PLXDC2: variants seen among roughly 807,000 people sequenced by gnomAD.
The protein encoded by PLXDC2 is plexin domain containing 2, also known as plexin domain-containing protein 2.
In PLXDC2, 40 loss-of-function variants were observed where a neutral mutation model predicts 68.9. The ratio of observed to expected loss-of-function variants is 0.58; its 90% CI spans 0.45 to 0.76. PLXDC2 has a LOEUF of 0.76. Ranked by LOEUF, PLXDC2 falls within the 30% of genes least tolerant of loss-of-function variation. The pLI is 0.00. For missense variants in PLXDC2, 644 were observed against 661.9 expected (o/e 0.97, Z 0.30); for synonymous variants, 243 against 234.2 (o/e 1.04, Z -0.34).
chr10:19,899,209 G>A (rs1444497811), intron 1 of PLXDC2, among the ~76,000 whole-genome samples: 1 of 152,114 alleles, frequency 6.6e-6, no homozygotes, highest in Admixed American at 6.5e-5. Flanking sequence ...CAGACCAGTT[G>A]TTTATCTGAC....
In PLXDC2 at chr10:19,947,836, G is replaced by C. The variant is rs151148057; in HGVS notation, c.113-53939G>C. ...AATAACTCCTTGAAGAGATGGATAGGTTTCGTTCGTGTTTGAGTCCCTCCT... is the reference window on the plus strand; with the variant it reads ...AATAACTCCTTGAAGAGATGGATAGCTTTCGTTCGTGTTTGAGTCCCTCCT... On this transcript the variant is annotated intron_variant, in intron 1 of 13. Coordinates refer to ENST00000377252, the MANE Select transcript of PLXDC2 (RefSeq NM_032812.9). Among the ~76,000 whole-genome samples, 57 of 151,790 alleles carry C rather than the reference G, an allele frequency of 3.8e-4. No individual in the cohort carries two copies. In the East Asian group the frequency reaches 0.01, roughly 27 times the overall value.
chr10:20,113,993 A>G (rs1026814078), intron 4 of PLXDC2, among the ~76,000 whole-genome samples: 4 of 152,130 alleles, frequency 2.6e-5, no homozygotes, highest in African/African-American at 9.7e-5. Context: ...GCATGATGGC[A>G]GGTGCCTGTA....
chr10:20,051,894 G>A lies in PLXDC2; in HGVS notation c.471+4879G>A, dbSNP rs1835908664. 2.0e-5 allele frequency among the ~76,000 whole-genome samples: 3 copies of A among 152,036 alleles called. No homozygotes were observed. In the South Asian group the frequency reaches 6.2e-4, roughly 32 times the overall value. On this transcript the variant is annotated intron_variant, in intron 3 of 13. Transcript: ENST00000377252. ...CTTATGGTCTCTGTCACAACTACTTGACTCTACTGTTATAGCTCAATAGCC... is the reference window on the plus strand; with the variant it reads ...CTTATGGTCTCTGTCACAACTACTTAACTCTACTGTTATAGCTCAATAGCC...
rs1413134672 is a variant in PLXDC2, at chr10:20,284,538, A to C, written c.*4719A>C. The stretch of plus-strand genomic sequence containing the variant: ...CATGAGTTAGAGGCTGCTGTGAGCT[A>C]TGATCATGCCACTGCACTCCAGCCT... On this transcript the variant is annotated 3_prime_UTR_variant, in exon 14 of 14. Coordinates refer to ENST00000377252, the MANE Select transcript of PLXDC2 (RefSeq NM_032812.9). The C allele has an allele frequency of 1.3e-5, 2 of 151,124 alleles. No individual in the cohort carries two copies. Among genetic ancestry groups the C allele is most frequent in the Non-Finnish European group, 2.9e-5 (2 of 67,900 alleles). 9.4% of individuals were successfully genotyped at this position (151,124 alleles called of 1,614,324 possible).
At chr10:20,122,920 A>G (rs1833719035) in intron 4 of PLXDC2, among the ~76,000 whole-genome samples, 1 of 152,260 alleles carries the variant, frequency 6.6e-6, no homozygotes, top group African/African-American at 2.4e-5. Context: ...GCTGTAAAGC[A>G]TCTCAGGGTT....
chr10:19,992,820 G>A (rs976302477), intron 1 of PLXDC2, among the ~76,000 whole-genome samples: 3 of 151,966 alleles, frequency 2.0e-5, no homozygotes, highest in African/African-American at 7.3e-5. Context: ...GCTTTTCCTT[G>A]CTGAATTGTT....
At chr10:20,098,381 G>GTGTGTGTGTGTA (rs953255294) in intron 4 of PLXDC2, among the ~76,000 whole-genome samples, 1 of 151,542 alleles carries the variant, frequency 6.6e-6, no homozygotes, top group African/African-American at 2.4e-5. Flanking sequence ...GTGTGTGTGT[G>GTGTGTGTGTGTA]TGTATGTATG....
At chr10:20,123,800 T>C (rs1011134898) in intron 4 of PLXDC2, among the ~76,000 whole-genome samples, 5 of 150,586 alleles carry the variant, frequency 3.3e-5, no homozygotes, top group African/African-American at 7.4e-5. Flanking sequence ...ATATAAGAGG[T>C]TGGGCGAGGA....
chr10:20,289,629 T>C lies in PLXDC2; in HGVS notation c.*9810T>C, dbSNP rs1836204145. 1 of 152,234 alleles carries C rather than the reference T, an allele frequency of 6.6e-6. No individual in the cohort carries two copies. Among genetic ancestry groups the C allele is most frequent in the South Asian group, 2.1e-4 (1 of 4,826 alleles). 9.4% of individuals were successfully genotyped at this position (152,234 alleles called of 1,614,324 possible). On this transcript the variant is annotated 3_prime_UTR_variant, in exon 14 of 14. Coordinates refer to ENST00000377252, the MANE Select transcript of PLXDC2 (RefSeq NM_032812.9). Reference sequence around the variant, plus strand: ...TTCCCCTTTTCCCAATCCTCCACTCTTGGACTACCTTTATAACAACACCGA... The same window carrying C: ...TTCCCCTTTTCCCAATCCTCCACTCCTGGACTACCTTTATAACAACACCGA...
intron 10 of PLXDC2, among the ~76,000 whole-genome samples, chr10:20,212,010 CAT>C (rs1835076280): frequency 6.6e-6 from 1 of 151,848 alleles, no homozygotes; most frequent in African/African-American, 2.4e-5. Flanking sequence ...ATTTCATTGT[CAT>C]ATTCATTCTA....
intron 4 of PLXDC2, among the ~76,000 whole-genome samples, chr10:20,099,303 A>G (rs926007180): frequency 5.3e-5 from 8 of 152,164 alleles, no homozygotes; most frequent in Non-Finnish European, 7.4e-5. Context: ...GCCATACAAA[A>G]GAGATCTTCT....
intron 1 of PLXDC2, among the ~76,000 whole-genome samples, chr10:19,944,033 A>T (rs1182091032): frequency 6.6e-6 from 1 of 152,228 alleles, no homozygotes; most frequent in Non-Finnish European, 1.5e-5. Flanking sequence ...CGTAGCGATG[A>T]TGCAGAAACG....
chr10:20,026,833 GAATATACTTTTA>G (rs1835413188), intron 2 of PLXDC2, among the ~76,000 whole-genome samples: 3 of 134,546 alleles, frequency 2.2e-5, no homozygotes, highest in African/African-American at 8.3e-5. Flanking sequence ...CTAATATATA[GAATATACTTTTA>G]TAATATATTC....
chr10:20,237,736 G>T (rs1835453014), intron 12 of PLXDC2, among the ~76,000 whole-genome samples: 1 of 152,078 alleles, frequency 6.6e-6, no homozygotes, highest in African/African-American at 2.4e-5. Context: ...GCACATTTTG[G>T]CATCTTCTGT....
Position 19,899,803 on chromosome 10 carries a change from A to T in PLXDC2, c.112+82612A>T, listed in dbSNP as rs148542943. Among the ~76,000 whole-genome samples the T allele has an allele frequency of 8.2e-3, 1,255 of 152,230 alleles. 18 individuals carry two copies. Among genetic ancestry groups the T allele is most frequent in the African/African-American group, 0.029 (1,190 of 41,548 alleles). ...TATTTTAGATTTCTTTAACACCTTTATGTGTTCATGATATGAAATGGGTTA... is the reference window on the plus strand; with the variant it reads ...TATTTTAGATTTCTTTAACACCTTTTTGTGTTCATGATATGAAATGGGTTA... On this transcript the variant is annotated intron_variant, in intron 1 of 13. Transcript: ENST00000377252.
At chr10:19,976,537 G>A (rs929321702) in intron 1 of PLXDC2, among the ~76,000 whole-genome samples, 1 of 152,012 alleles carries the variant, frequency 6.6e-6, no homozygotes, top group East Asian at 1.9e-4. Context: ...TCTTTGGTGT[G>A]AGATCTCTTC....
At chr10:20,086,216 G>A (rs1288016147) in intron 4 of PLXDC2, among the ~76,000 whole-genome samples, 1 of 152,116 alleles carries the variant, frequency 6.6e-6, no homozygotes, top group Non-Finnish European at 1.5e-5. Flanking sequence ...CTGGAGTGCA[G>A]TGGGGTGGTC....
At chr10:19,860,863 CT>C (rs1837306548) in intron 1 of PLXDC2, among the ~76,000 whole-genome samples, 1 of 152,134 alleles carries the variant, frequency 6.6e-6, no homozygotes, top group South Asian at 2.1e-4. Flanking sequence ...CCAGGTTTAT[CT>C]AATCTTCTTT....
intron 6 of PLXDC2, among the ~76,000 whole-genome samples, chr10:20,150,325 G>T (rs185443335): frequency 1.3e-5 from 2 of 152,306 alleles, no homozygotes; most frequent in Non-Finnish European, 2.9e-5. Context: ...TATATACCCA[G>T]TAATGGGATT....
Sources: gnomAD v4.1 joint callset for allele counts (sites outside exome capture counted in the v4.1 genomes callset) on GRCh38, gnomAD v4.1.1 for gene constraint, MANE v1.5 for transcripts, NCBI Gene and HGNC (gene_info 2026-07-23, HGNC 2026-07-21) for gene names.